The following FHIT variants were observed in gnomAD, a reference collection of about 807,000 sequenced individuals.
FHIT encodes fragile histidine triad diadenosine triphosphatase.
Under a neutral mutation model 17.9 loss-of-function variants are expected in FHIT, and 19 were observed. The observed-to-expected ratio is 1.06, with a 90% CI of 0.74 to 1.56. The LOEUF (loss-of-function observed/expected upper bound fraction) is 1.56, where lower values mean the gene tolerates loss of function less well. Ranked by LOEUF, FHIT falls within the 40% of genes most tolerant of loss-of-function variation. The pLI is 0.00. For synonymous variants in FHIT, 81 were observed against 69.7 expected (o/e 1.16, Z -0.81); for missense variants, 248 against 189.2 (o/e 1.31, Z -1.82).
chr3:60,404,735 G>T (rs141034170), intron 5 of FHIT, among the ~76,000 whole-genome samples: 1 of 152,268 alleles, frequency 6.6e-6, no homozygotes, highest in African/African-American at 2.4e-5. Flanking sequence ...TTTGTTGAAT[G>T]TAAGTTTTTA....
intron 3 of FHIT, among the ~76,000 whole-genome samples, chr3:60,824,846 G>A (rs1196668275): frequency 6.6e-6 from 1 of 152,120 alleles, no homozygotes; most frequent in Non-Finnish European, 1.5e-5. Flanking sequence ...CTTCCACCAT[G>A]ATTGTGAGGC....
At chr3:61,142,043 G>A (rs939443404) in intron 2 of FHIT, among the ~76,000 whole-genome samples, 1 of 151,074 alleles carries the variant, frequency 6.6e-6, no homozygotes, top group Non-Finnish European at 1.5e-5. Context: ...CAATTTCTCA[G>A]GGGGAGTCAA....
intron 3 of FHIT, among the ~76,000 whole-genome samples, chr3:61,004,537 G>A (rs575397867): frequency 2.0e-4 from 30 of 152,344 alleles, no homozygotes; most frequent in Non-Finnish European, 4.0e-4. Context: ...GAAGGGGAAG[G>A]AGCACTGACC....
intron 4 of FHIT, among the ~76,000 whole-genome samples, chr3:60,798,174 T>C (rs746119561): frequency 6.6e-6 from 1 of 152,140 alleles, no homozygotes; most frequent in Non-Finnish European, 1.5e-5. Flanking sequence ...CCCTGGGGCC[T>C]TAGTTTGCAG....
At chr3:60,131,224 A>G (rs1282182527) in intron 5 of FHIT, among the ~76,000 whole-genome samples, 2 of 151,728 alleles carry the variant, frequency 1.3e-5, no homozygotes, top group East Asian at 3.9e-4. Flanking sequence ...ACCTCCTCCC[A>G]TTAACTTTAA....
intron 5 of FHIT, among the ~76,000 whole-genome samples, chr3:60,115,459 A>G (rs891325608): frequency 6.6e-6 from 1 of 152,184 alleles, no homozygotes; most frequent in Non-Finnish European, 1.5e-5. Flanking sequence ...TAAAACGGTA[A>G]TTTTGTTGGA....
At chr3:60,365,077 T>C (rs1700053253) in intron 5 of FHIT, among the ~76,000 whole-genome samples, 1 of 150,238 alleles carries the variant, frequency 6.7e-6, no homozygotes, top group African/African-American at 2.4e-5. Flanking sequence ...ATTGGTTCTG[T>C]TCTCTCTCAT....
At chr3:59,834,606 T>A (rs574495916) in intron 8 of FHIT, among the ~76,000 whole-genome samples, 7 of 152,324 alleles carry the variant, frequency 4.6e-5, no homozygotes, top group African/African-American at 1.7e-4. Flanking sequence ...CTTTTTACTG[T>A]ATCCTCACGT....
At chr3:59,768,973 T>C (rs1232101609) in intron 8 of FHIT, among the ~76,000 whole-genome samples, 2 of 152,240 alleles carry the variant, frequency 1.3e-5, no homozygotes, top group Non-Finnish European at 2.9e-5. Flanking sequence ...GTAGACAGCC[T>C]AACCTTGAGT....
chr3:60,912,697 C>G (rs577268429), intron 3 of FHIT: 1 of 500,208 alleles, frequency 2.0e-6, no homozygotes, highest in South Asian at 1.5e-5. Context: ...CCAGAGGAAT[C>G]TATGTAACAA....
chr3:60,503,146 G>T (rs184987891), intron 5 of FHIT, among the ~76,000 whole-genome samples: 1 of 152,136 alleles, frequency 6.6e-6, no homozygotes, highest in African/African-American at 2.4e-5. Flanking sequence ...ACCTATCTGA[G>T]CCTCAATTTC....
chr3:59,877,412 T>C (rs567435911), intron 8 of FHIT, among the ~76,000 whole-genome samples: 2 of 152,300 alleles, frequency 1.3e-5, no homozygotes, highest in East Asian at 3.9e-4. Flanking sequence ...AAAGTGGTCA[T>C]GGAACAACCT....
At chr3:59,833,661 C>G (rs1233722853) in intron 8 of FHIT, among the ~76,000 whole-genome samples, 2 of 152,114 alleles carry the variant, frequency 1.3e-5, no homozygotes, top group African/African-American at 4.8e-5. Context: ...ACCAACAGAT[C>G]CCATGGAAAA....
At chr3:59,876,741 G>A (rs1703179491) in intron 8 of FHIT, among the ~76,000 whole-genome samples, 1 of 152,198 alleles carries the variant, frequency 6.6e-6, no homozygotes, top group Admixed American at 6.5e-5. Context: ...ATCAGACACT[G>A]CTGGTTGTCT....
At chr3:59,920,233 A>C (rs1051673529) in intron 8 of FHIT, among the ~76,000 whole-genome samples, 2 of 152,220 alleles carry the variant, frequency 1.3e-5, no homozygotes, top group Admixed American at 1.3e-4. Context: ...AGTAGATGCC[A>C]CTGGGATTTG....
intron 5 of FHIT, among the ~76,000 whole-genome samples, chr3:60,339,383 T>C (rs1269161424): frequency 6.6e-6 from 1 of 152,158 alleles, no homozygotes; most frequent in Non-Finnish European, 1.5e-5. Context: ...AGTAATACTC[T>C]TATTTCTAAT....
At chr3:60,433,598 G>A (rs1224185353) in intron 5 of FHIT, among the ~76,000 whole-genome samples, 2 of 152,028 alleles carry the variant, frequency 1.3e-5, no homozygotes, top group Non-Finnish European at 2.9e-5. Flanking sequence ...TTGCTTTTGT[G>A]ACAACAGCCC....
intron 5 of FHIT, among the ~76,000 whole-genome samples, chr3:60,269,273 G>A (rs565773095): frequency 1.2e-4 from 19 of 152,282 alleles, no homozygotes; most frequent in South Asian, 2.1e-4. Flanking sequence ...AGTTTTCTAC[G>A]TCTTTAACCT....
chr3:60,356,702 T>C (rs929463452), intron 5 of FHIT, among the ~76,000 whole-genome samples: 5 of 126,032 alleles, frequency 4.0e-5, no homozygotes, highest in Admixed American at 1.8e-4. Context: ...TTCTATTCTT[T>C]CCTACGGAAA....
Sources: gnomAD v4.1 joint callset for allele counts (sites outside exome capture counted in the v4.1 genomes callset) on GRCh38, gnomAD v4.1.1 for gene constraint, MANE v1.5 for transcripts, NCBI Gene and HGNC (gene_info 2026-07-23, HGNC 2026-07-21) for gene names.